INVS: variants seen among roughly 807,000 people sequenced by gnomAD.
The protein encoded by INVS is inversin.
INVS carries 86 observed loss-of-function variants against 108.8 expected under a neutral mutation model. The ratio of observed to expected loss-of-function variants is 0.79; its 90% CI spans 0.66 to 0.95. INVS has a LOEUF of 0.95. INVS is among the 40% of genes least tolerant of loss of function. INVS has a pLI of 0.00. For missense variants in INVS, 1,169 were observed against 1,297.4 expected (o/e 0.90, Z 1.52); for synonymous variants, 455 against 473.5 (o/e 0.96, Z 0.51).
intron 3 of INVS, among the ~76,000 whole-genome samples, chr9:100,204,734 T>G (rs1438031680): frequency 6.6e-6 from 1 of 152,116 alleles, no homozygotes; most frequent in Non-Finnish European, 1.5e-5. Context: ...TTAAGTATGC[T>G]TAGCATGTTA....
At position 100,273,102 on chromosome 9, in the gene INVS, T is replaced by C. The variant is rs570283601; in HGVS notation, c.1784+26T>C. ...GTAAGTATGAGCTACGCAGATTGCG[T>C]TTTCGCCACCCAGAATCAGGGTGGA... On this transcript the variant is annotated intron_variant, in intron 12 of 16. Coordinates refer to ENST00000262457, the MANE Select transcript of INVS (RefSeq NM_014425.5). 22 of 1,591,752 alleles carry C rather than the reference T, an allele frequency of 1.4e-5. 1 individual carries two copies. The South Asian group carries it at 2.4e-4, about 18-fold the overall frequency.
At chr9:100,297,568 A>G (rs1014259819) in intron 15 of INVS, among the ~76,000 whole-genome samples, 1 of 152,328 alleles carries the variant, frequency 6.6e-6, no homozygotes, top group Admixed American at 6.5e-5. Flanking sequence ...CCACTATGAG[A>G]ATGCTCAACA....
chr9:100,301,137 T>A lies in INVS; in HGVS notation c.*463T>A, dbSNP rs561486863. 1.0e-4 allele frequency: 15 copies of A among 146,480 alleles called. No individual in the cohort carries two copies. Among genetic ancestry groups the A allele is most frequent in the Non-Finnish European group, 1.5e-4 (12 of 80,974 alleles). 9.1% of individuals were successfully genotyped at this position (146,480 alleles called of 1,614,324 possible). On this transcript the variant is annotated 3_prime_UTR_variant, in exon 17 of 17. Coordinates refer to ENST00000262457, the MANE Select transcript of INVS (RefSeq NM_014425.5). ...TTCCTGGCATCTAATGCAACAAACT[T>A]ATCACACACACACACACACACACAC... is the stretch of plus-strand genomic sequence containing the variant.
intron 3 of INVS, among the ~76,000 whole-genome samples, chr9:100,146,992 A>T (rs549263761): frequency 2.0e-5 from 3 of 152,338 alleles, no homozygotes; most frequent in Admixed American, 1.3e-4. Context: ...CTGGAGTTTA[A>T]AAACTGCATG....
chr9:100,246,299 C>T (rs1220401740), intron 7 of INVS, among the ~76,000 whole-genome samples: 1 of 152,174 alleles, frequency 6.6e-6, no homozygotes, highest in Non-Finnish European at 1.5e-5. Context: ...TTTTCTAACT[C>T]TCACTCAAAC....
intron 3 of INVS, among the ~76,000 whole-genome samples, chr9:100,139,953 C>T (rs577954786): frequency 1.3e-5 from 2 of 152,300 alleles, no homozygotes; most frequent in East Asian, 1.9e-4. Flanking sequence ...AAAATAACCA[C>T]TTTAAAGTGA....
intron 3 of INVS, among the ~76,000 whole-genome samples, chr9:100,163,748 T>C (rs1829267659): frequency 6.6e-6 from 1 of 152,158 alleles, no homozygotes; most frequent in Admixed American, 6.5e-5. Flanking sequence ...TGGGAGAGAA[T>C]ATGCCAAGTG....
intron 3 of INVS, among the ~76,000 whole-genome samples, chr9:100,192,782 T>A (rs909428399): frequency 6.6e-6 from 1 of 152,194 alleles, no homozygotes; most frequent in Non-Finnish European, 1.5e-5. Flanking sequence ...TGTTTTAATT[T>A]GCATTTACCT....
intron 3 of INVS, chr9:100,175,529 C>T: frequency 2.7e-6 from 2 of 743,096 alleles, no homozygotes; most frequent in Admixed American, 3.6e-5. Flanking sequence ...AACTTTACAG[C>T]ATCCTGAATC....
At chr9:100,289,583 T>C (rs1016789624) in intron 13 of INVS, among the ~76,000 whole-genome samples, 16 of 152,252 alleles carry the variant, frequency 1.1e-4, no homozygotes, top group Admixed American at 5.9e-4. Context: ...TTGCACAAGA[T>C]GTGGCCAAGA....
intron 5 of INVS, among the ~76,000 whole-genome samples, chr9:100,237,501 G>A (rs931254159): frequency 1.3e-5 from 2 of 152,144 alleles, no homozygotes; most frequent in Non-Finnish European, 2.9e-5. Context: ...GCACCCTAGG[G>A]AATCTCCTAG....
chr9:100,207,926 A>G (rs1050296263), intron 3 of INVS, among the ~76,000 whole-genome samples: 1 of 152,360 alleles, frequency 6.6e-6, no homozygotes, highest in Admixed American at 6.5e-5. Flanking sequence ...ATACTAAAAT[A>G]TTGATTTCAG....
At chr9:100,237,508 C>T (rs1831726505) in intron 5 of INVS, among the ~76,000 whole-genome samples, 1 of 152,158 alleles carries the variant, frequency 6.6e-6, no homozygotes, top group South Asian at 2.1e-4. Flanking sequence ...AGGGAATCTC[C>T]TAGTCTGAAG....
At chr9:100,245,393 C>A (rs565928800) in intron 7 of INVS, among the ~76,000 whole-genome samples, 1 of 152,268 alleles carries the variant, frequency 6.6e-6, no homozygotes, top group East Asian at 1.9e-4. Context: ...AATTCCCCTG[C>A]CTCAACCTCC....
chr9:100,279,849 A>G (rs1833224079), intron 12 of INVS, among the ~76,000 whole-genome samples: 1 of 152,180 alleles, frequency 6.6e-6, no homozygotes, highest in Non-Finnish European at 1.5e-5. Flanking sequence ...CTTCGTGTCA[A>G]AAGTGGGCAA....
chr9:100,157,174 TATAA>T (rs1022199246), intron 3 of INVS, among the ~76,000 whole-genome samples: 2 of 151,666 alleles, frequency 1.3e-5, no homozygotes, highest in Non-Finnish European at 2.9e-5. Flanking sequence ...AACCTGTTTT[TATAA>T]ATAAATAATT....
chr9:100,257,092 C>T (rs951104889), intron 10 of INVS, among the ~76,000 whole-genome samples: 1 of 152,136 alleles, frequency 6.6e-6, no homozygotes, highest in Admixed American at 6.6e-5. Context: ...TCTGGGTGCT[C>T]CTGTATTGGG....
rs137904162 is a variant in INVS, at chr9:100,238,946, C to A, written c.616-1114C>A. ...ACAAGTTAAAATAGCAGTGAAATGT[C>A]TTTCATAACCATAAGGGAAAAATGC... On this transcript the variant is annotated intron_variant, in intron 5 of 16. Coordinates refer to ENST00000262457, the MANE Select transcript of INVS (RefSeq NM_014425.5). Among the ~76,000 whole-genome samples the A allele has an allele frequency of 7.5e-3, 1,138 of 152,296 alleles. 7 individuals are homozygous for A. The highest frequency in any genetic ancestry group is 0.01 in the Admixed American group (154 of 15,290).
At chr9:100,113,029 C>T (rs1414304933) in intron 2 of INVS, among the ~76,000 whole-genome samples, 1 of 152,190 alleles carries the variant, frequency 6.6e-6, no homozygotes, top group East Asian at 1.9e-4. Context: ...AGAGACTAGT[C>T]TCATTATGGC....
Sources: allele counts gnomAD v4.1 joint callset (sites outside exome capture counted in the v4.1 genomes callset), GRCh38; gene constraint gnomAD v4.1.1; transcripts MANE v1.5; gene names NCBI Gene and HGNC (gene_info 2026-07-23, HGNC 2026-07-21).